Variants in PRKCD observed in about 807,000 individuals in gnomAD.
PRKCD encodes the protein protein kinase C delta type.
In PRKCD, 20 loss-of-function variants were observed where a neutral mutation model predicts 82.2. The ratio of observed to expected loss-of-function variants is 0.24; its 90% CI spans 0.17 to 0.35. The LOEUF (loss-of-function observed/expected upper bound fraction) is 0.35. Ranked by LOEUF, PRKCD falls within the 10% of genes least tolerant of loss-of-function variation. The pLI is 1.00. For missense variants in PRKCD, 607 were observed against 899.0 expected, an observed-to-expected ratio of 0.68 and a Z score of 4.15; for synonymous variants, 317 against 337.0, an observed-to-expected ratio of 0.94 and a Z score of 0.65.
At position 53,181,785 on chromosome 3, in the gene PRKCD, GTGCCAGTGCCTGTGTGTA is replaced by G. The variant is rs781847267; in HGVS notation, c.571+70_571+87del. 160 of 1,612,460 alleles carry G rather than the reference GTGCCAGTGCCTGTGTGTA, an allele frequency of 9.9e-5. 1 individual carries two copies. In the South Asian group the frequency reaches 1.2e-3, roughly 12 times the overall value. On this transcript the variant is annotated intron_variant, in intron 7 of 18. Coordinates refer to ENST00000330452, the MANE Select transcript of PRKCD (RefSeq NM_006254.4). Reference sequence around the variant, plus strand: ...CGTATGTACCCATGTGTGCTCACGTGTGCCAGTGCCTGTGTGTATGCCAGTGCCTGTGTGCGCTCAGAG... The same window carrying G: ...CGTATGTACCCATGTGTGCTCACGTGTGCCAGTGCCTGTGTGCGCTCAGAG...
At chr3:53,170,267 T>TA (rs1261445050) in intron 2 of PRKCD, among the ~76,000 whole-genome samples, 3 of 152,226 alleles carry the variant, frequency 2.0e-5, no homozygotes, top group Non-Finnish European at 4.4e-5. Context: ...GTTCTAGGAC[T>TA]AGAGCTGGAA....
intron 2 of PRKCD, among the ~76,000 whole-genome samples, chr3:53,170,117 T>C (rs17052819): frequency 0.047 from 6,999 of 149,414 alleles, 539 homozygotes; most frequent in African/African-American, 0.16. Flanking sequence ...TTGTTTCCAA[T>C]GGTAAACCAT....
chr3:53,186,058 C>T (rs781981827), intron 12 of PRKCD, 31 bp downstream of exon 12: 1 of 1,612,924 alleles, frequency 6.2e-7, no homozygotes, highest in Non-Finnish European at 8.5e-7. Flanking sequence ...ACCTGCTTCC[C>T]ACCCCACCCT....
At chr3:53,174,771 G>A (rs1703160004) in intron 2 of PRKCD, among the ~76,000 whole-genome samples, 1 of 152,170 alleles carries the variant, frequency 6.6e-6, no homozygotes, top group Non-Finnish European at 1.5e-5. Context: ...CTGACGCTAT[G>A]GTTACTGCTG....
intron 18 of PRKCD, among the ~76,000 whole-genome samples, chr3:53,191,471 T>C (rs1388550161): frequency 6.6e-5 from 10 of 152,158 alleles, no homozygotes; most frequent in African/African-American, 2.4e-4. Flanking sequence ...TAAAACCCAG[T>C]ACAAGCCGAA....
chr3:53,186,128 C>A (rs1165195826), intron 12 of PRKCD, 39 bp from the exon 13 acceptor site: 3 of 1,609,296 alleles, frequency 1.9e-6, no homozygotes, highest in Non-Finnish European at 2.5e-6. Flanking sequence ...TGGCCCCTGC[C>A]CCGTCCTCAC....
intron 2 of PRKCD, among the ~76,000 whole-genome samples, chr3:53,170,136 T>G (rs1553664579): frequency 1.1e-4 from 9 of 83,752 alleles, no homozygotes. Flanking sequence ...ATCTGGAAAA[T>G]CGTGGGAACT....
intron 14 of PRKCD, among the ~76,000 whole-genome samples, 195 bp downstream of exon 14, chr3:53,186,890 C>A (rs557335596): frequency 6.6e-6 from 1 of 152,148 alleles, no homozygotes; most frequent in Non-Finnish European, 1.5e-5. Context: ...AAGTGAACTG[C>A]GGCTGGGTGC....
In PRKCD at chr3:53,184,881, C is replaced by T. The variant is rs1703613985; in HGVS notation, c.795C>T (p.Gly265=). The change falls in exon 10 of 19, where the codon GGC becomes GGT. Residue 265 remains glycine (G), a synonymous_variant. Transcript: ENST00000330452. The stretch of plus-strand genomic sequence containing the variant: ...GCTTCTCCCTCACCCCAGACTGCGG[C>T]ATGAATGTGCACCATAAATGCCGGG... ...VKQGLKCEDC[G]MNVHHKCREK... The T allele has an allele frequency of 6.2e-7, 1 of 1,613,740 alleles. No homozygotes were observed. The highest frequency in any genetic ancestry group is 8.5e-7 in the Non-Finnish European group (1 of 1,179,834).
rs1553668283 is a variant in PRKCD, at chr3:53,183,588, G to A, written c.787+7G>A. On this transcript the variant is annotated splice_region_variant and intron_variant, in intron 9 of 18. Transcript: ENST00000330452. ...CAGGGATTAAAGTGTGAAGGTGCGT[G>A]CCACCCCGCCCCTGGGCTGCAGGAG... 6.2e-7 allele frequency: 1 copy of A among 1,613,450 alleles called. No homozygotes were observed. Among genetic ancestry groups the A allele is most frequent in the Non-Finnish European group, 8.5e-7 (1 of 1,179,732 alleles).
chr3:53,187,845 A>G (rs1703765782), intron 15 of PRKCD, among the ~76,000 whole-genome samples: 1 of 152,174 alleles, frequency 6.6e-6, no homozygotes, highest in South Asian at 2.1e-4. Context: ...AAGTGGAAAA[A>G]CAACCTGTGG....
intron 1 of PRKCD, among the ~76,000 whole-genome samples, chr3:53,164,735 C>T (rs1702779972): frequency 6.6e-6 from 1 of 152,108 alleles, no homozygotes; most frequent in South Asian, 2.1e-4. Context: ...AGGGAAATTG[C>T]ACCAGGACAT....
intron 1 of PRKCD, among the ~76,000 whole-genome samples, chr3:53,162,177 C>T (rs1450426092): frequency 2.0e-5 from 3 of 151,858 alleles, no homozygotes; most frequent in Non-Finnish European, 4.4e-5. Context: ...TGAGACCCCT[C>T]CCAGGGTGGC....
intron 7 of PRKCD, 72 bp from the exon 8 acceptor site, chr3:53,183,049 C>T (rs1428514339): frequency 1.3e-6 from 2 of 1,490,726 alleles, no homozygotes; most frequent in Non-Finnish European, 1.9e-6. Flanking sequence ...GACTGGTCGG[C>T]AGGCACCAGC....
At position 53,181,818 on chromosome 3, in the gene PRKCD, T is replaced by A. The variant is rs781837796; in HGVS notation, c.571+86T>A. On this transcript the variant is annotated intron_variant, in intron 7 of 18. Transcript: ENST00000330452. ...GCCTGTGTGTATGCCAGTGCCTGTG[T>A]GCGCTCAGAGAGTGTATGCACGTGA... is the stretch of plus-strand genomic sequence containing the variant. The A allele has an allele frequency of 3.8e-6, 6 of 1,587,272 alleles. No individual in the cohort carries two copies. In the African/African-American group the frequency reaches 8.1e-5, roughly 21 times the overall value.
chr3:53,179,852 G>A (rs931703244), intron 4 of PRKCD, 76 bp downstream of exon 4: 118 of 1,498,104 alleles, frequency 7.9e-5, no homozygotes, highest in Admixed American at 1.8e-4. Flanking sequence ...ATGTGTGTGC[G>A]TGCACACACG....
At chr3:53,177,928 A>ATTTTTC (rs1260187157) in intron 2 of PRKCD, among the ~76,000 whole-genome samples, 50 of 142,140 alleles carry the variant, frequency 3.5e-4, no homozygotes, top group East Asian at 6.4e-4. Flanking sequence ...ACCTCTCAAT[A>ATTTTTC]TTTTTCTTTT....
rs1703514088 is a variant in PRKCD at position 53,183,107 on chromosome 3, T to C, written c.572-14T>C. On this transcript the variant is annotated splice_polypyrimidine_tract_variant and intron_variant, in intron 7 of 18. Transcript: ENST00000330452. ...TGCTTTCCCTTCCCCCTCCTGGGCC[T>C]GTGCCTCTTCAAGAATGTAACGCTG... 1 of 1,613,902 alleles carries C rather than the reference T, an allele frequency of 6.2e-7. No homozygotes were observed. The highest frequency in any genetic ancestry group is 8.5e-7 in the Non-Finnish European group (1 of 1,179,754).
chr3:53,183,190 A>G lies in PRKCD; in HGVS notation c.641A>G (p.Asn214Ser). ...IIGRCTGTAA[N>S]SRDTIFQKER... ...GGCAGATGCACTGGCACCGCGGCCA[A>G]CAGCCGGGACACTATAGTGAGCCTG... Residue 214 changes from asparagine to serine, a missense_variant, in exon 8 of 19, where the codon AAC becomes AGC. Around this residue, in one of 5 missense-constraint regions of PRKCD, gnomAD observed 109 missense variants for 155.6 expected, o/e 0.70. Coordinates refer to ENST00000330452, the MANE Select transcript of PRKCD (RefSeq NM_006254.4). The G allele has an allele frequency of 1.2e-6, 2 of 1,614,202 alleles. No individual in the cohort carries two copies. Among genetic ancestry groups the G allele is most frequent in the Non-Finnish European group, 1.7e-6 (2 of 1,180,024 alleles).
Sources: allele counts gnomAD v4.1 joint callset (sites outside exome capture counted in the v4.1 genomes callset), GRCh38; gene constraint gnomAD v4.1.1; regional missense constraint gnomAD v4.1.1; transcripts MANE v1.5; gene names NCBI Gene and HGNC (gene_info 2026-07-23, HGNC 2026-07-21).